Variants in MTUS2 observed in about 807,000 individuals in gnomAD.
The protein encoded by MTUS2 is microtubule-associated tumor suppressor candidate 2.
In MTUS2, 40 loss-of-function variants were observed where a neutral mutation model predicts 114.1. That is an observed-to-expected ratio of 0.35 (90% CI 0.27 to 0.46). The LOEUF (loss-of-function observed/expected upper bound fraction) is 0.46. MTUS2 is among the 20% of genes least tolerant of loss of function. The probability of loss-of-function intolerance (pLI) is 1.00; values close to 1 mark genes in which losing one functional copy is unlikely to be tolerated. For missense variants in MTUS2, 1,679 were observed against 1,705.4 expected (o/e 0.98, Z 0.27); for synonymous variants, 688 against 672.0 (o/e 1.02, Z -0.37).
intron 5 of MTUS2, among the ~76,000 whole-genome samples, chr13:29,104,122 A>G (rs539469344): frequency 7.2e-5 from 11 of 152,190 alleles, no homozygotes; most frequent in Non-Finnish European, 1.5e-4. Flanking sequence ...TCAGGCCATT[A>G]GCCCAACCCC....
At chr13:29,035,989 C>T (rs1473302183) in intron 4 of MTUS2, among the ~76,000 whole-genome samples, 1 of 151,524 alleles carries the variant, frequency 6.6e-6, no homozygotes, top group Non-Finnish European at 1.5e-5. Context: ...ACTAAAAATA[C>T]AAAAATTAGC....
intron 4 of MTUS2, among the ~76,000 whole-genome samples, chr13:29,046,216 A>AATC (rs1251428422): frequency 6.6e-6 from 1 of 151,372 alleles, no homozygotes; most frequent in Admixed American, 6.6e-5. Context: ...AGGCTTGAGC[A>AATC]ATCCTCTCAC....
In MTUS2 at chr13:29,043,851, C is replaced by T. The variant is rs180867530; in HGVS notation, c.2446+9726C>T. 2.9e-4 allele frequency among the ~76,000 whole-genome samples: 44 copies of T among 151,820 alleles called. No homozygotes were observed. The East Asian group carries it at 8.4e-3, about 29-fold the overall frequency. On this transcript the variant is annotated intron_variant, in intron 4 of 15. Coordinates refer to ENST00000612955, the MANE Select transcript of MTUS2 (RefSeq NM_001033602.4). ...TCTAGCTTCAAGTGATATTATATCA[C>T]TTTGTATATGGTGTAAGAATCTTAC...
chr13:28,823,446 G>C (rs576163588), intron 1 of MTUS2, among the ~76,000 whole-genome samples: 1 of 152,290 alleles, frequency 6.6e-6, no homozygotes, highest in East Asian at 1.9e-4. Context: ...TGTGAATTTG[G>C]ATGCCTTTAG....
chr13:28,896,682 T>C (rs1043901147), intron 2 of MTUS2, among the ~76,000 whole-genome samples: 5 of 152,170 alleles, frequency 3.3e-5, no homozygotes, highest in African/African-American at 1.2e-4. Flanking sequence ...CAAAACAGCA[T>C]GGTACTGGTA....
At chr13:29,465,994 G>T (rs1411564142) in intron 9 of MTUS2, among the ~76,000 whole-genome samples, 2 of 152,220 alleles carry the variant, frequency 1.3e-5, no homozygotes, top group Non-Finnish European at 2.9e-5. Context: ...AGTTACCAAT[G>T]AAATGGGATT....
At chr13:29,463,948 C>T (rs142193105) in intron 9 of MTUS2, among the ~76,000 whole-genome samples, 5 of 152,132 alleles carry the variant, frequency 3.3e-5, no homozygotes, top group African/African-American at 9.7e-5. Flanking sequence ...AAGCCAAGAT[C>T]GCACCACTGC....
At chr13:29,263,984 A>AAAAGTCC (rs1357335539) in intron 5 of MTUS2, among the ~76,000 whole-genome samples, 2 of 152,234 alleles carry the variant, frequency 1.3e-5, no homozygotes, top group Admixed American at 1.3e-4. Flanking sequence ...ACATCACTAA[A>AAAAGTCC]AAAGTCCAAA....
intron 2 of MTUS2, among the ~76,000 whole-genome samples, chr13:28,946,829 T>G (rs1017645568): frequency 3.3e-5 from 5 of 152,106 alleles, no homozygotes; most frequent in African/African-American, 1.2e-4. Context: ...GGATTCCAGG[T>G]GGAGCCACCA....
chr13:28,981,319 A>G (rs559567523), intron 2 of MTUS2, among the ~76,000 whole-genome samples: 31 of 152,370 alleles, frequency 2.0e-4, no homozygotes, highest in Middle Eastern at 6.8e-3. Context: ...TACATATTGT[A>G]TGATTTTATT....
chr13:29,396,019 T>C (rs1392633611), intron 8 of MTUS2, among the ~76,000 whole-genome samples: 1 of 152,202 alleles, frequency 6.6e-6, no homozygotes, highest in Non-Finnish European at 1.5e-5. Flanking sequence ...TCACAGTTGT[T>C]TGTGGACCAA....
intron 2 of MTUS2, among the ~76,000 whole-genome samples, chr13:28,947,314 T>C (rs1055149329): frequency 3.3e-5 from 5 of 152,190 alleles, no homozygotes; most frequent in African/African-American, 1.2e-4. Context: ...CTGTGCAACC[T>C]GGAACTGAAT....
chr13:29,227,798 G>T (rs190646176), intron 5 of MTUS2, among the ~76,000 whole-genome samples: 65 of 152,280 alleles, frequency 4.3e-4, no homozygotes, highest in Non-Finnish European at 7.6e-4. Context: ...ATGCAATCTA[G>T]GGCCTCTCAA....
intron 8 of MTUS2, chr13:29,428,675 C>T: frequency 1.6e-6 from 2 of 1,246,244 alleles, no homozygotes; most frequent in African/African-American, 1.6e-5. Context: ...ATTCCTCTGC[C>T]TCCTGGATTC....
At chr13:29,093,713 C>A (rs1195264087) in intron 4 of MTUS2, among the ~76,000 whole-genome samples, 1 of 152,042 alleles carries the variant, frequency 6.6e-6, no homozygotes, top group Non-Finnish European at 1.5e-5. Flanking sequence ...AGAAAGTTTT[C>A]CTTTTTGTTT....
At chr13:29,173,828 G>A (rs933407627) in intron 5 of MTUS2, among the ~76,000 whole-genome samples, 17 of 151,452 alleles carry the variant, frequency 1.1e-4, no homozygotes, top group African/African-American at 3.2e-4. Context: ...AATAAAAATC[G>A]CAAAAACACA....
intron 5 of MTUS2, among the ~76,000 whole-genome samples, chr13:29,184,087 A>AC (rs1309436586): frequency 6.6e-6 from 1 of 152,188 alleles, no homozygotes; most frequent in Non-Finnish European, 1.5e-5. Context: ...TGCAGGCTTT[A>AC]CCCCTAAACA....
intron 5 of MTUS2, among the ~76,000 whole-genome samples, chr13:29,160,620 A>T (rs1194835298): frequency 2.6e-5 from 4 of 152,148 alleles, no homozygotes; most frequent in Admixed American, 2.6e-4. Context: ...AATACAAAAA[A>T]TTAGCTGGGC....
At chr13:29,261,335 G>A (rs910413758) in intron 5 of MTUS2, among the ~76,000 whole-genome samples, 2 of 152,038 alleles carry the variant, frequency 1.3e-5, no homozygotes, top group African/African-American at 4.8e-5. Context: ...ACTCCTTCTC[G>A]CAGTCCCTGA....
Sources: gnomAD v4.1 joint callset for allele counts (sites outside exome capture counted in the v4.1 genomes callset) on GRCh38, gnomAD v4.1.1 for gene constraint, MANE v1.5 for transcripts, NCBI Gene and HGNC (gene_info 2026-07-23, HGNC 2026-07-21) for gene names.